The following SNRNP27 variants were observed in gnomAD, a reference collection of about 807,000 sequenced individuals.
SNRNP27 encodes the protein U4/U6.U5 small nuclear ribonucleoprotein 27 kDa protein.
A neutral mutation model predicts 25.1 loss-of-function variants in SNRNP27; 22 were observed. The observed-to-expected ratio is 0.88, with a 90% CI of 0.63 to 1.25. The LOEUF (loss-of-function observed/expected upper bound fraction) is 1.25. Among genes scored for constraint, SNRNP27 ranks in the 50% most tolerant of loss-of-function variants. The pLI is 0.00. For missense variants in SNRNP27, 150 were observed against 202.3 expected, an observed-to-expected ratio of 0.74 and a Z score of 1.57; for synonymous variants, 66 against 64.9, an observed-to-expected ratio of 1.02 and a Z score of -0.08.
chr2:69,903,108 C>T (rs1158857232), intron 4 of SNRNP27, 73 bp from the exon 5 acceptor site: 1 of 1,214,836 alleles, frequency 8.2e-7, no homozygotes, highest in Non-Finnish European at 1.2e-6. Flanking sequence ...ACTGCCACCA[C>T]ACCTGCTTTC....
At chr2:69,902,635 C>T (rs1480204296) in intron 4 of SNRNP27, among the ~76,000 whole-genome samples, 1 of 150,840 alleles carries the variant, frequency 6.6e-6, no homozygotes, top group East Asian at 1.9e-4. Context: ...TGCTGCTGCT[C>T]TTGCTTCTTT....
At chr2:69,902,073 A>G (rs1676708017) in intron 4 of SNRNP27, among the ~76,000 whole-genome samples, 3 of 152,096 alleles carry the variant, frequency 2.0e-5, no homozygotes, top group Non-Finnish European at 4.4e-5. Flanking sequence ...ATACACTGTG[A>G]ATGTTTGTTG....
chr2:69,903,140 C>G, intron 4 of SNRNP27, 41 bp from the exon 5 acceptor site: 1 of 1,482,524 alleles, frequency 6.7e-7, no homozygotes, highest in Non-Finnish European at 9.4e-7. Context: ...TTTAATGTAT[C>G]CTTCCTGTTT....
rs1477684121 is a variant in SNRNP27, at chr2:69,905,222, T to G, written c.*914T>G. 1 of 152,202 alleles carries G rather than the reference T, an allele frequency of 6.6e-6. No homozygotes were observed. Among genetic ancestry groups the G allele is most frequent in the African/African-American group, 2.4e-5 (1 of 41,466 alleles). The allele number at this position is 152,202 out of a possible 1,614,324, so 9.4% of individuals were successfully genotyped here. A position where few individuals can be genotyped will look rare whatever the true frequency, so the allele number is the denominator to read the frequency against. ...TAATTAAAACTGTGACTACTATCTG[T>G]CTCCATTACATACATATTTTTGTAT... On this transcript the variant is annotated 3_prime_UTR_variant, in exon 6 of 6. Transcript: ENST00000244227.
chr2:69,899,627 G>A (rs746660027), intron 4 of SNRNP27, among the ~76,000 whole-genome samples: 4 of 151,960 alleles, frequency 2.6e-5, no homozygotes, highest in East Asian at 1.9e-4. Flanking sequence ...ATGGGGTTTC[G>A]CCATATTGGC....
chr2:69,899,533 G>A (rs1023852034), intron 4 of SNRNP27, among the ~76,000 whole-genome samples: 2 of 152,114 alleles, frequency 1.3e-5, no homozygotes, highest in East Asian at 3.8e-4. Flanking sequence ...GGGTTCAACC[G>A]ATTCTCCTGC....
chr2:69,904,134 T>C (rs1018242935), intron 5 of SNRNP27, 120 bp from the exon 6 acceptor site: 2 of 583,056 alleles, frequency 3.4e-6, no homozygotes, highest in Non-Finnish European at 6.0e-6. Context: ...GAATAGTTTC[T>C]ACCCTAGACT....
Position 69,904,486 on chromosome 2 carries a change from T to C in SNRNP27, c.*178T>C. 1.5e-6 allele frequency: 1 copy of C among 650,172 alleles called. No homozygotes were observed. Among genetic ancestry groups the C allele is most frequent in the South Asian group, 1.8e-5 (1 of 56,672 alleles). The allele number at this position is 650,172 out of a possible 1,614,324, so 40.3% of individuals were successfully genotyped here. On this transcript the variant is annotated 3_prime_UTR_variant, in exon 6 of 6. Coordinates refer to ENST00000244227, the MANE Select transcript of SNRNP27 (RefSeq NM_006857.3). ...TTACCTTGCCTCAACAGAAGAAAGGTTAAATATTACATTTTTTTCTTTTAG... is the reference window on the plus strand; with the variant it reads ...TTACCTTGCCTCAACAGAAGAAAGGCTAAATATTACATTTTTTTCTTTTAG...
At chr2:69,899,884 G>T (rs566146448) in intron 4 of SNRNP27, among the ~76,000 whole-genome samples, 2 of 152,042 alleles carry the variant, frequency 1.3e-5, no homozygotes, top group Non-Finnish European at 2.9e-5. Context: ...ATGCCGCCAC[G>T]CCAGGATAAT....
chr2:69,896,518 GAAAC>G lies in SNRNP27; in HGVS notation c.242_245del (p.Thr81ArgfsTer12). 5 of 1,608,072 alleles carry G rather than the reference GAAAC, an allele frequency of 3.1e-6. No homozygotes were observed. The highest frequency in any genetic ancestry group is 4.5e-5 in the East Asian group (2 of 44,844). On this transcript the variant is annotated frameshift_variant, in exon 3 of 6. Transcript: ENST00000244227. LOFTEE classifies it high-confidence loss of function. The stretch of plus-strand genomic sequence containing the variant: ...AGATGAGGAAAAGAAAGAAACAAAA[GAAAC>G]AAAGAGCAAAGAACGGCAGATTACT...
intron 4 of SNRNP27, among the ~76,000 whole-genome samples, chr2:69,901,595 TGCTTGAGACCA>T (rs1356091511): frequency 3.9e-5 from 6 of 152,254 alleles, no homozygotes; most frequent in African/African-American, 1.4e-4. Context: ...ACAGCAGAAT[TGCTTGAGACCA>T]GGAGTTCAAG....
At position 69,895,170 on chromosome 2, in the gene SNRNP27, T is replaced by C. The variant is rs750059083; in HGVS notation, c.111T>C (p.Asp37=). Residue 37 remains aspartate, a synonymous_variant, in exon 2 of 6, where the codon GAT becomes GAC. Transcript: ENST00000244227. Reference sequence around the variant, plus strand: ...AAAGGTCCAGGTCTCGGGAGAGAGATCGGAGAAGGAGCCGCTCGCGATCCC... The same window carrying C: ...AAAGGTCCAGGTCTCGGGAGAGAGACCGGAGAAGGAGCCGCTCGCGATCCC... ...RRERSRSRER[D]RRRSRSRSPH... 3 of 1,613,722 alleles carry C rather than the reference T, an allele frequency of 1.9e-6. No individual in the cohort carries two copies. The South Asian group carries it at 3.3e-5, about 18-fold the overall frequency.
chr2:69,896,617 A>C, intron 3 of SNRNP27, 69 bp downstream of exon 3: 1 of 1,425,234 alleles, frequency 7.0e-7, no homozygotes, highest in Non-Finnish European at 9.4e-7. Flanking sequence ...TTTAATCTTG[A>C]ACATTTAAAT....
chr2:69,899,991 T>C (rs551597555), intron 4 of SNRNP27, among the ~76,000 whole-genome samples: 1 of 151,964 alleles, frequency 6.6e-6, no homozygotes, highest in Non-Finnish European at 1.5e-5. Flanking sequence ...TCCATTTTTT[T>C]TTTTTTATTT....
At chr2:69,896,317 T>A in intron 2 of SNRNP27, 119 bp from the exon 3 acceptor site, 2 of 929,030 alleles carry the variant, frequency 2.2e-6, no homozygotes, top group Non-Finnish European at 3.2e-6. Flanking sequence ...ACCTTTTTCC[T>A]CACTTTGCTA....
At chr2:69,901,531 T>C (rs908167486) in intron 4 of SNRNP27, among the ~76,000 whole-genome samples, 2 of 152,148 alleles carry the variant, frequency 1.3e-5, no homozygotes, top group South Asian at 4.1e-4. Context: ...AAGATCAAAA[T>C]TGGGCTGGGC....
chr2:69,897,536 C>A, intron 4 of SNRNP27, 80 bp downstream of exon 4: 2 of 1,138,322 alleles, frequency 1.8e-6, no homozygotes, highest in Non-Finnish European at 2.6e-6. Flanking sequence ...TCCATTTATA[C>A]AAATTTATTT....
chr2:69,903,929 T>C (rs1055703639), intron 5 of SNRNP27, among the ~76,000 whole-genome samples: 6 of 152,158 alleles, frequency 3.9e-5, no homozygotes, highest in Non-Finnish European at 7.4e-5. Context: ...AACTCTTTTC[T>C]ATTTCTAAAT....
chr2:69,899,515 C>T (rs1365882733), intron 4 of SNRNP27, among the ~76,000 whole-genome samples: 2 of 152,076 alleles, frequency 1.3e-5, no homozygotes, highest in Admixed American at 6.6e-5. Flanking sequence ...CTGCTACCTC[C>T]GCCTCCTGGG....
Sources: allele counts gnomAD v4.1 joint callset (sites outside exome capture counted in the v4.1 genomes callset), GRCh38; gene constraint gnomAD v4.1.1; transcripts MANE v1.5; gene names NCBI Gene and HGNC (gene_info 2026-07-23, HGNC 2026-07-21).